Variants in EXOC4 observed in about 807,000 individuals in gnomAD.
EXOC4 encodes the protein exocyst complex component 4.
Under a neutral mutation model 107.2 loss-of-function variants are expected in EXOC4, and 71 were observed. The observed-to-expected ratio is 0.66, with a 90% CI of 0.55 to 0.81. EXOC4 has a LOEUF of 0.81. EXOC4 is among the 30% of genes least tolerant of loss of function. EXOC4 has a pLI of 0.00. For missense variants in EXOC4, 1,108 were observed against 1,189.6 expected (o/e 0.93, Z 1.01); for synonymous variants, 456 against 441.2 (o/e 1.03, Z -0.42).
At chr7:133,608,914 G>T (rs888928715) in intron 9 of EXOC4, among the ~76,000 whole-genome samples, 1 of 151,972 alleles carries the variant, frequency 6.6e-6, no homozygotes, top group African/African-American at 2.4e-5. Flanking sequence ...CACAAAATTT[G>T]GGAAAATAGT....
intron 12 of EXOC4, among the ~76,000 whole-genome samples, chr7:133,901,721 A>G (rs1395582249): frequency 6.6e-6 from 1 of 152,178 alleles, no homozygotes; most frequent in African/African-American, 2.4e-5. Flanking sequence ...ACCAGTTCCC[A>G]TGACACTATT....
At chr7:133,866,364 T>C (rs575190589) in intron 11 of EXOC4, among the ~76,000 whole-genome samples, 2 of 152,114 alleles carry the variant, frequency 1.3e-5, no homozygotes, top group East Asian at 3.9e-4. Context: ...CCCTGGGCCT[T>C]GTGTGTCTCA....
chr7:133,812,149 GA>G (rs955978306), intron 10 of EXOC4, among the ~76,000 whole-genome samples: 18 of 148,280 alleles, frequency 1.2e-4, no homozygotes, highest in Admixed American at 2.7e-4. Flanking sequence ...AGTGAAAAGT[GA>G]AAAAAAAAAT....
intron 9 of EXOC4, among the ~76,000 whole-genome samples, chr7:133,528,265 T>C (rs1407796217): frequency 6.6e-6 from 1 of 152,170 alleles, no homozygotes; most frequent in Non-Finnish European, 1.5e-5. Flanking sequence ...CTCTGAGCCT[T>C]GATCTCAGGA....
chr7:133,658,916 G>T (rs1003535114), intron 10 of EXOC4, among the ~76,000 whole-genome samples: 3 of 144,196 alleles, frequency 2.1e-5, no homozygotes, highest in Non-Finnish European at 3.0e-5. Flanking sequence ...GGAAAGAAAT[G>T]ATCTTTTGGT....
At chr7:133,778,709 C>G (rs761279498) in intron 10 of EXOC4, among the ~76,000 whole-genome samples, 2 of 152,230 alleles carry the variant, frequency 1.3e-5, no homozygotes, top group Non-Finnish European at 2.9e-5. Flanking sequence ...AGAGGTGCAT[C>G]CTCTTCATTC....
intron 9 of EXOC4, among the ~76,000 whole-genome samples, chr7:133,622,197 A>G (rs1802350316): frequency 6.6e-6 from 1 of 151,720 alleles, no homozygotes; most frequent in African/African-American, 2.4e-5. Context: ...CTGGTCTGTA[A>G]CTCCTGGCCT....
intron 10 of EXOC4, among the ~76,000 whole-genome samples, chr7:133,754,747 T>G (rs1228270491): frequency 6.6e-6 from 1 of 152,192 alleles, no homozygotes; most frequent in African/African-American, 2.4e-5. Context: ...ACATCACATA[T>G]TTAGTTAATA....
chr7:133,903,008 A>C (rs1226358670), intron 12 of EXOC4, among the ~76,000 whole-genome samples: 1 of 152,228 alleles, frequency 6.6e-6, no homozygotes, highest in Non-Finnish European at 1.5e-5. Context: ...TTGAGCTTAG[A>C]GGAAAGGCTC....
intron 5 of EXOC4, among the ~76,000 whole-genome samples, chr7:133,323,749 C>T (rs1453080144): frequency 6.6e-6 from 1 of 152,174 alleles, no homozygotes; most frequent in Admixed American, 6.6e-5. Flanking sequence ...AGGATTCCCT[C>T]TTTTTCTGTT....
At chr7:133,806,334 A>G (rs1000802242) in intron 10 of EXOC4, among the ~76,000 whole-genome samples, 3 of 152,200 alleles carry the variant, frequency 2.0e-5, no homozygotes, top group African/African-American at 7.2e-5. Context: ...GAGAATTGAA[A>G]TGATAATGGG....
Position 134,007,727 on chromosome 7 carries a change from G to A in EXOC4, c.2579G>A (p.Arg860Lys), listed in dbSNP as rs1344211033. ...CTCATTAATGGTGCCCAGTACTTCA[G>A]GCGCATCAGTGAGTCTGGCATCAAG... Reference protein sequence around the residue: ...CILINGAQYFRRISESGIKKM... With the variant: ...CILINGAQYFKRISESGIKKM... The change falls in exon 17 of 18, where the codon AGG becomes AAG. Residue 860 changes from arginine (R) to lysine (K), a missense_variant. By Grantham distance (26) the Arg-to-Lys change is conservative. Transcript: ENST00000253861. The A allele has an allele frequency of 6.2e-7, 1 of 1,613,536 alleles. No individual in the cohort carries two copies. Among genetic ancestry groups the A allele is most frequent in the Admixed American group, 1.7e-5 (1 of 59,930 alleles).
intron 10 of EXOC4, among the ~76,000 whole-genome samples, chr7:133,813,553 A>T (rs969048701): frequency 2.0e-5 from 3 of 152,102 alleles, no homozygotes; most frequent in Non-Finnish European, 4.4e-5. Flanking sequence ...TCTTTTTGGG[A>T]GTTAGATGAG....
chr7:133,994,482 C>G (rs994777570), intron 14 of EXOC4, among the ~76,000 whole-genome samples: 7 of 152,014 alleles, frequency 4.6e-5, no homozygotes, highest in African/African-American at 1.7e-4. Flanking sequence ...CAAACCTGCA[C>G]GTTCAGCACA....
chr7:133,767,155 C>A (rs2151158405), intron 10 of EXOC4, among the ~76,000 whole-genome samples: 1 of 151,864 alleles, frequency 6.6e-6, no homozygotes, highest in East Asian at 1.9e-4. Flanking sequence ...TCTGAAATGC[C>A]AATCTAAGAA....
At chr7:133,779,254 G>A (rs1796410039) in intron 10 of EXOC4, among the ~76,000 whole-genome samples, 1 of 152,142 alleles carries the variant, frequency 6.6e-6, no homozygotes, top group South Asian at 2.1e-4. Context: ...CATCATATAA[G>A]TGAGAGGTTT....
At chr7:133,278,511 G>C (rs1159521034) in intron 2 of EXOC4, among the ~76,000 whole-genome samples, 2 of 152,162 alleles carry the variant, frequency 1.3e-5, no homozygotes, top group Non-Finnish European at 2.9e-5. Context: ...CCTGAAGGAG[G>C]TTAGGAAGAG....
Position 133,253,130 on chromosome 7 carries a change from A to T in EXOC4, c.29A>T (p.Tyr10Phe), listed in dbSNP as rs766383620. ...GCGGCAGAAGCAGCTGGTGGGAAAT[A>T]CAGAAGCACAGTCAGCAAAAGCAAA... MAAEAAGGK[Y>F]RSTVSKSKDP... Residue 10 changes from tyrosine (Y) to phenylalanine (F), a missense_variant, in exon 1 of 18, where the codon TAC becomes TTC. Transcript: ENST00000253861. 8 of 1,614,078 alleles carry T rather than the reference A, an allele frequency of 5.0e-6. No individual in the cohort carries two copies. The highest frequency in any genetic ancestry group is 1.6e-4 in the Middle Eastern group (1 of 6,084).
At chr7:133,737,126 C>T (rs10267901) in intron 10 of EXOC4, among the ~76,000 whole-genome samples, 131,924 of 152,172 alleles carry the variant, frequency 0.87, 57,760 homozygotes, top group East Asian at 0.99. Context: ...TCTGGCTGCA[C>T]ATGTACAATT....
Sources: gnomAD v4.1 joint callset for allele counts (sites outside exome capture counted in the v4.1 genomes callset) on GRCh38, gnomAD v4.1.1 for gene constraint, MANE v1.5 for transcripts, NCBI Gene and HGNC (gene_info 2026-07-23, HGNC 2026-07-21) for gene names.